LDLRAP1: variants seen among roughly 807,000 people sequenced by gnomAD.
The protein encoded by LDLRAP1 is low density lipoprotein receptor adaptor protein 1, also known as low density lipoprotein receptor adapter protein 1.
LDLRAP1 carries 30 observed loss-of-function variants against 37.8 expected under a neutral mutation model. The ratio of observed to expected loss-of-function variants is 0.79; its 90% CI spans 0.59 to 1.08. The LOEUF (loss-of-function observed/expected upper bound fraction) is 1.08. Ranked by LOEUF, LDLRAP1 falls within the 50% of genes least tolerant of loss-of-function variation. LDLRAP1 has a pLI of 0.00. For synonymous variants in LDLRAP1, 156 were observed against 169.8 expected (o/e 0.92, Z 0.63); for missense variants, 375 against 401.6 (o/e 0.93, Z 0.57).
chr1:25,581,590 C>A, the LDLRAP1 span: 22 of 152,498 alleles, frequency 1.4e-4, no homozygotes, highest in African/African-American at 5.3e-4. Context: ...ACCTGAAGGG[C>A]TAAGTGTTCC....
chr1:25,548,335 CTTTTTTTTTTT>C (rs144789866), intron 1 of LDLRAP1, among the ~76,000 whole-genome samples: 23 of 82,316 alleles, frequency 2.8e-4, no homozygotes, highest in African/African-American at 6.0e-4. Context: ...GATGGATACT[CTTTTTTTTTTT>C]TTTTTTTTTT....
At chr1:25,565,939 T>C (rs1572058371) in intron 8 of LDLRAP1, among the ~76,000 whole-genome samples, 2 of 152,060 alleles carry the variant, frequency 1.3e-5, no homozygotes, top group Non-Finnish European at 2.9e-5. Flanking sequence ...AGAGTCAGGG[T>C]CTTTGCCCTC....
the LDLRAP1 span, among the ~76,000 whole-genome samples, chr1:25,586,524 A>G: frequency 2.0e-5 from 3 of 151,316 alleles, no homozygotes; most frequent in African/African-American, 7.3e-5. The surrounding 1 kb of genome is among the most constrained non-coding windows in gnomAD (Gnocchi z 4.3). Flanking sequence ...GTGTGTGCCT[A>G]CATGTGTGTG....
chr1:25,586,723 CTG>C, the LDLRAP1 span, among the ~76,000 whole-genome samples: 5 of 152,152 alleles, frequency 3.3e-5, no homozygotes, highest in African/African-American at 1.2e-4. The surrounding 1 kb of genome is among the most constrained non-coding windows in gnomAD (Gnocchi z 4.3). Context: ...CACTCCCACT[CTG>C]GGCACAGCTC....
rs1401152772 is a variant in LDLRAP1 at position 25,566,831 on chromosome 1, A to G, written c.783-17A>G. 6.2e-7 allele frequency: 1 copy of G among 1,603,004 alleles called. No individual in the cohort carries two copies. The highest frequency in any genetic ancestry group is 8.5e-7 in the Non-Finnish European group (1 of 1,175,298). Reference sequence around the variant, plus strand: ...GCCCTCACCCAGGCTCTCGGCTCACACAGCTCTGCCTTCCAGGCTTGCCCA... The same window carrying G: ...GCCCTCACCCAGGCTCTCGGCTCACGCAGCTCTGCCTTCCAGGCTTGCCCA... On this transcript the variant is annotated splice_polypyrimidine_tract_variant and intron_variant, in intron 8 of 8. Transcript: ENST00000374338.
chr1:25,587,642 G>A, the LDLRAP1 span, among the ~76,000 whole-genome samples: 389 of 152,240 alleles, frequency 2.6e-3, 1 homozygote, highest in Non-Finnish European at 4.6e-3. Context: ...GTGTTTCACC[G>A]AGCGGAGCTG....
the LDLRAP1 span, among the ~76,000 whole-genome samples, chr1:25,585,735 C>G: frequency 9.2e-5 from 14 of 152,290 alleles, no homozygotes; most frequent in African/African-American, 3.4e-4. Flanking sequence ...TCTGTCCTGC[C>G]CCTACCCACC....
chr1:25,570,009 A>T (rs2044581820), downstream of LDLRAP1, among the ~76,000 whole-genome samples: 1 of 152,178 alleles, frequency 6.6e-6, no homozygotes, highest in Admixed American at 6.5e-5. Flanking sequence ...CACTCTCCGG[A>T]GATTCCCCAG....
Position 25,554,115 on chromosome 1 carries a change from T to G in LDLRAP1, c.231+51T>G, listed in dbSNP as rs1384899337. 1 of 1,607,806 alleles carries G rather than the reference T, an allele frequency of 6.2e-7. No individual in the cohort carries two copies. The highest frequency in any genetic ancestry group is 8.5e-7 in the Non-Finnish European group (1 of 1,178,642). ...GGGGAACCAGGGACCAAGGACCAGCTTCTTCCCAGGGTGCCCTCGTCCCAG... is the reference window on the plus strand; with the variant it reads ...GGGGAACCAGGGACCAAGGACCAGCGTCTTCCCAGGGTGCCCTCGTCCCAG... On this transcript the variant is annotated intron_variant, in intron 2 of 8. Coordinates refer to ENST00000374338, the MANE Select transcript of LDLRAP1 (RefSeq NM_015627.3). The surrounding 1 kb of genome is among the most constrained non-coding windows in gnomAD (Gnocchi z 5.4).
chr1:25,543,727 C>T lies in LDLRAP1; in HGVS notation c.29C>T (p.Ala10Val), dbSNP rs939089974. Residue 10 changes from alanine to valine, a missense_variant, in exon 1 of 9, where the codon GCG becomes GTG. By Grantham distance (64) the Ala-to-Val change is moderately conservative. Coordinates refer to ENST00000374338, the MANE Select transcript of LDLRAP1 (RefSeq NM_015627.3). ...GACGCGCTCAAGTCGGCGGGGCGGG[C>T]GCTGATCCGGAGCCCCAGCTTGGCC... MDALKSAGRALIRSPSLAKQ... is the reference protein window; with the variant it reads MDALKSAGRVLIRSPSLAKQ... 2 of 1,213,442 alleles carry T rather than the reference C, an allele frequency of 1.6e-6. No homozygotes were observed. Among genetic ancestry groups the T allele is most frequent in the Non-Finnish European group, 2.0e-6 (2 of 976,182 alleles). 75.2% of individuals were successfully genotyped at this position (1,213,442 alleles called of 1,614,324 possible).
intron 4 of LDLRAP1, among the ~76,000 whole-genome samples, chr1:25,558,403 G>T (rs1400927499): frequency 6.6e-6 from 1 of 152,204 alleles, no homozygotes; most frequent in East Asian, 1.9e-4. Flanking sequence ...TGTGTAAGTT[G>T]TAACAAATGA....
In LDLRAP1 at chr1:25,554,835, C is replaced by G; in HGVS notation, c.232-25C>G. ...GGGTCTCAAGTGAGGCTGGCAGACT[C>G]CTCTGACTCCTGTCTGCTCCCAAGG... On this transcript the variant is annotated intron_variant, in intron 2 of 8. Coordinates refer to ENST00000374338, the MANE Select transcript of LDLRAP1 (RefSeq NM_015627.3). This position sits in a 1 kb window ranked among gnomAD's most constrained non-coding sequence, Gnocchi z 5.4. 1 of 1,582,262 alleles carries G rather than the reference C, an allele frequency of 6.3e-7. No individual in the cohort carries two copies. Among genetic ancestry groups the G allele is most frequent in the East Asian group, 2.2e-5 (1 of 44,716 alleles).
downstream of LDLRAP1, among the ~76,000 whole-genome samples, chr1:25,569,546 T>C (rs1437162828): frequency 6.6e-6 from 1 of 152,190 alleles, no homozygotes; most frequent in Non-Finnish European, 1.5e-5. Flanking sequence ...TCCCCGCTTT[T>C]TACCACCCTG....
intron 8 of LDLRAP1, among the ~76,000 whole-genome samples, 192 bp downstream of exon 8, chr1:25,565,399 G>A (rs573592502): frequency 1.3e-5 from 2 of 152,268 alleles, no homozygotes; most frequent in South Asian, 2.1e-4. Context: ...CCCTTCCAGC[G>A]TTGTCCAGAG....
chr1:25,564,474 C>T (rs1024619361), intron 7 of LDLRAP1: 2 of 156,022 alleles, frequency 1.3e-5, no homozygotes, highest in African/African-American at 4.8e-5. Context: ...TTACACATTT[C>T]TCCAGGTGCC....
chr1:25,576,619 G>T, the LDLRAP1 span, among the ~76,000 whole-genome samples: 1 of 152,228 alleles, frequency 6.6e-6, no homozygotes, highest in African/African-American at 2.4e-5. Context: ...TTGGGTGCCC[G>T]GCCAGTGGTG....
Position 25,555,763 on chromosome 1 carries a change from G to T in LDLRAP1, c.344+791G>T, listed in dbSNP as rs372921973. Reference sequence around the variant, plus strand: ...GTCTGGCTGATGTCTTCCTCTCACCGGCCTGATCATACCTGCCTTCCTTTA... The same window carrying T: ...GTCTGGCTGATGTCTTCCTCTCACCTGCCTGATCATACCTGCCTTCCTTTA... On this transcript the variant is annotated intron_variant, in intron 3 of 8. Coordinates refer to ENST00000374338, the MANE Select transcript of LDLRAP1 (RefSeq NM_015627.3). This position sits in a 1 kb window ranked among gnomAD's most constrained non-coding sequence, Gnocchi z 4.7. Among the ~76,000 whole-genome samples the T allele has an allele frequency of 6.6e-6, 1 of 152,142 alleles. No homozygotes were observed. Among genetic ancestry groups the T allele is most frequent in the Non-Finnish European group, 1.5e-5 (1 of 68,016 alleles).
chr1:25,571,826 T>C (rs913052232), downstream of LDLRAP1, among the ~76,000 whole-genome samples: 53 of 152,176 alleles, frequency 3.5e-4, no homozygotes, highest in African/African-American at 1.2e-3. Context: ...CCAGGACAGA[T>C]GTGGGCTGTG....
chr1:25,590,268 G>A, the LDLRAP1 span: 1 of 152,218 alleles, frequency 6.6e-6, no homozygotes, highest in Non-Finnish European at 1.5e-5. Context: ...ATCCGCCGAA[G>A]CTGATGTCAG....
Sources: allele counts gnomAD v4.1 joint callset (sites outside exome capture counted in the v4.1 genomes callset), GRCh38; gene constraint gnomAD v4.1.1; non-coding constraint Gnocchi (gnomAD v3.1); transcripts MANE v1.5; gene names NCBI Gene and HGNC (gene_info 2026-07-23, HGNC 2026-07-21).